Variants in HTT observed in about 807,000 individuals in gnomAD.
HTT encodes huntington disease protein.
A neutral mutation model predicts 362.3 loss-of-function variants in HTT; 104 were observed. The ratio of observed to expected loss-of-function variants is 0.29; its 90% CI spans 0.24 to 0.34. HTT has a LOEUF of 0.34. Among genes scored for constraint, HTT ranks in the 10% least tolerant of loss-of-function variants. HTT has a pLI of 1.00. For missense variants in HTT, 3,301 were observed against 3,928.6 expected, an observed-to-expected ratio of 0.84 and a Z score of 4.27; for synonymous variants, 1,577 against 1,548.7, an observed-to-expected ratio of 1.02 and a Z score of -0.43.
chr4:3,144,301 G>A (rs1716492793), intron 23 of HTT, among the ~76,000 whole-genome samples: 1 of 152,008 alleles, frequency 6.6e-6, no homozygotes, highest in East Asian at 1.9e-4. Context: ...TTAATTTGCT[G>A]GTGACCAGGT....
chr4:3,139,993 C>T (rs1578530286), intron 21 of HTT, among the ~76,000 whole-genome samples: 1 of 152,176 alleles, frequency 6.6e-6, no homozygotes, highest in East Asian at 1.9e-4. Context: ...TGGGGGCTCA[C>T]GCCTGTAATC....
chr4:3,160,898 G>A (rs1045714278), intron 29 of HTT, among the ~76,000 whole-genome samples: 1 of 151,752 alleles, frequency 6.6e-6, no homozygotes, highest in Non-Finnish European at 1.5e-5. Flanking sequence ...TTTTTTGGTG[G>A]CTAATTTCAG....
intron 26 of HTT, among the ~76,000 whole-genome samples, chr4:3,152,771 C>T (rs924413652): frequency 2.6e-5 from 4 of 151,456 alleles, no homozygotes; most frequent in Non-Finnish European, 4.4e-5. Context: ...CTCAGCCTCC[C>T]GAGTGGCTGG....
intron 2 of HTT, among the ~76,000 whole-genome samples, chr4:3,094,830 G>A (rs1269649956): frequency 3.2e-4 from 48 of 150,202 alleles, no homozygotes; most frequent in Admixed American, 6.6e-4. Flanking sequence ...GGTCAGAGAC[G>A]CTCCTCACCT....
chr4:3,238,116 G>A (rs543912215), intron 64 of HTT, among the ~76,000 whole-genome samples: 2 of 149,624 alleles, frequency 1.3e-5, no homozygotes, highest in Non-Finnish European at 3.0e-5. Flanking sequence ...CCTACAGGGC[G>A]TGGGAGCCCA....
chr4:3,122,918 C>T lies in HTT; in HGVS notation c.1303C>T (p.Leu435Phe). 2 of 1,611,312 alleles carry T rather than the reference C, an allele frequency of 1.2e-6. No homozygotes were observed. The highest frequency in any genetic ancestry group is 1.7e-6 in the Non-Finnish European group (2 of 1,178,532). ...AGGGGGTTCCTCATGCAGCCCTGTC[C>T]TTTCAAGAAAACAAAAAGGTGATTA... ...AGGGSSCSPV[L>F]SRKQKGKVLL... The change falls in exon 10 of 67, where the codon CTT (leucine) becomes TTT (phenylalanine). Residue 435 changes from leucine (L) to phenylalanine (F), a missense_variant. This residue lies in a region of HTT where 2,316 missense variants were observed against 2,658.5 expected (regional missense o/e 0.87). Coordinates refer to ENST00000355072, the MANE Select transcript of HTT (RefSeq NM_001388492.1).
chr4:3,096,540 G>T (rs1269842266), intron 2 of HTT, among the ~76,000 whole-genome samples: 1 of 152,200 alleles, frequency 6.6e-6, no homozygotes, highest in Non-Finnish European at 1.5e-5. Context: ...GTATCATTAA[G>T]TTGGAATATA....
intron 56 of HTT, among the ~76,000 whole-genome samples, chr4:3,224,451 C>G (rs1720816677): frequency 6.6e-6 from 1 of 152,230 alleles, no homozygotes; most frequent in Admixed American, 6.5e-5. Flanking sequence ...AGTTCATCTA[C>G]ACAAGCTGAA....
intron 47 of HTT, among the ~76,000 whole-genome samples, chr4:3,210,887 T>G (rs1720121435): frequency 6.7e-6 from 1 of 148,890 alleles, no homozygotes; most frequent in Non-Finnish European, 1.5e-5. Context: ...CAAAATCCAT[T>G]TACTAAAATT....
intron 39 of HTT, 50 bp from the exon 40 acceptor site, chr4:3,188,901 G>A: frequency 1.3e-6 from 2 of 1,561,080 alleles, no homozygotes; most frequent in Non-Finnish European, 1.8e-6. Flanking sequence ...TGGCGTAAGT[G>A]CTTTATAGTA....
chr4:3,232,828 G>A lies in HTT; in HGVS notation c.8266-335G>A, dbSNP rs559227182. Among the ~76,000 whole-genome samples the A allele has an allele frequency of 1.8e-4, 27 of 152,338 alleles. 3 individuals carry two copies. The South Asian group carries it at 5.6e-3, about 32-fold the overall frequency. On this transcript the variant is annotated intron_variant, in intron 60 of 66. Transcript: ENST00000355072. ...AAGCACACTAGAGACTCGGTGCCAG[G>A]GTTTTTACTGGGGGCTGGGCACATG...
intron 56 of HTT, among the ~76,000 whole-genome samples, chr4:3,224,942 G>A (rs906920442): frequency 2.6e-5 from 4 of 152,206 alleles, no homozygotes; most frequent in African/African-American, 9.6e-5. Flanking sequence ...GAAAAGAGGG[G>A]CACAGAGGTG....
Position 3,132,190 on chromosome 4 carries a change from C to G in HTT, c.2237-372C>G, listed in dbSNP as rs148265917. Reference sequence around the variant, plus strand: ...GCTTACTATGGAGCCTTCTCGTTCTCTCTTTTTCTTTGGGTGAGAGGGTAC... The same window carrying G: ...GCTTACTATGGAGCCTTCTCGTTCTGTCTTTTTCTTTGGGTGAGAGGGTAC... On this transcript the variant is annotated intron_variant, in intron 16 of 66. Transcript: ENST00000355072. Among the ~76,000 whole-genome samples the G allele has an allele frequency of 1.6e-3, 245 of 152,260 alleles. 1 individual carries two copies. The highest frequency in any genetic ancestry group is 4.4e-3 in the South Asian group (21 of 4,824).
rs1184711495 is a variant in HTT, at chr4:3,131,311, G to A, written c.2012G>A (p.Gly671Glu). The A allele has an allele frequency of 6.2e-7, 1 of 1,613,920 alleles. No homozygotes were observed. The highest frequency in any genetic ancestry group is 1.1e-5 in the South Asian group (1 of 91,074). The change falls in exon 15 of 67, where the codon GGA (glycine) becomes GAA (glutamate). Residue 671 changes from glycine (G) to glutamate (E), a missense_variant. Gly to Glu is a moderately conservative substitution (Grantham distance 98). Around this residue, in one of 4 missense-constraint regions of HTT, gnomAD observed 2,316 missense variants for 2,658.5 expected, o/e 0.87. Transcript: ENST00000355072. The part of the protein sequence containing the change: ...NKPCRIKGDI[G>E]QSTDDDSAPL... ...CCTTGCCGCATCAAAGGTGACATTG[G>A]ACAGTCCACTGATGATGACTCTGCA...
Position 3,223,529 on chromosome 4 carries a change from C to T in HTT, c.7594C>T (p.Arg2532Trp), listed in dbSNP as rs771751572. ...TGTAAGCTGCTTGGAGCAGCAGCCC[C>T]GGAACAAGCCTCTGAAAGCTCTCGA... ...PAVSCLEQQP[R>W]NKPLKALDTR... Residue 2532 changes from arginine (R) to tryptophan (W), a missense_variant, in exon 55 of 67, where the codon CGG becomes TGG. Transcript: ENST00000355072. 8 of 1,612,546 alleles carry T rather than the reference C, an allele frequency of 5.0e-6. No individual in the cohort carries two copies. The highest frequency in any genetic ancestry group is 1.7e-5 in the Admixed American group (1 of 59,616).
intron 66 of HTT, among the ~76,000 whole-genome samples, 188 bp from the exon 67 acceptor site, chr4:3,239,658 G>C (rs1450405970): frequency 3.3e-5 from 5 of 152,174 alleles, no homozygotes; most frequent in Non-Finnish European, 7.4e-5. Flanking sequence ...GCCAGCCAAG[G>C]GTTGCAGGAA....
intron 40 of HTT, 146 bp from the exon 41 acceptor site, chr4:3,199,586 C>T: frequency 1.6e-6 from 1 of 636,966 alleles, no homozygotes; most frequent in East Asian, 2.8e-5. Context: ...TTAGAAAAAT[C>T]AGAATTTTCT....
chr4:3,142,762 T>G lies in HTT; in HGVS notation c.2946-4T>G, dbSNP rs1199899902. ...ATTTTAAGTCTCTATATTTTTGTTA[T>G]TAGAATATATAGAGGCTATAACCTA... On this transcript the variant is annotated splice_polypyrimidine_tract_variant and splice_region_variant and intron_variant, in intron 22 of 66. Transcript: ENST00000355072. 1 of 1,427,066 alleles carries G rather than the reference T, an allele frequency of 7.0e-7. No individual in the cohort carries two copies. Among genetic ancestry groups the G allele is most frequent in the Non-Finnish European group, 9.8e-7 (1 of 1,015,676 alleles). The allele number at this position is 1,427,066 out of a possible 1,614,324, so 88.4% of individuals were successfully genotyped here.
chr4:3,176,028 T>TGGC (rs201301333), intron 33 of HTT, among the ~76,000 whole-genome samples: 1 of 146,400 alleles, frequency 6.8e-6, no homozygotes. Flanking sequence ...GTTGTTTGTT[T>TGGC]TTTTTTGTTT....
Sources: gnomAD v4.1 joint callset for allele counts (sites outside exome capture counted in the v4.1 genomes callset) on GRCh38, gnomAD v4.1.1 for gene constraint, gnomAD v4.1.1 regional missense constraint, MANE v1.5 for transcripts, NCBI Gene and HGNC (gene_info 2026-07-23, HGNC 2026-07-21) for gene names.